TMCC1: variants seen among roughly 807,000 people sequenced by gnomAD.
TMCC1 encodes the protein transmembrane and coiled-coil domain family 1.
Under a neutral mutation model 52.4 loss-of-function variants are expected in TMCC1, and 15 were observed. That is an observed-to-expected ratio of 0.29 (90% CI 0.19 to 0.44). The LOEUF (loss-of-function observed/expected upper bound fraction) is 0.44, where lower values mean the gene tolerates loss of function less well. TMCC1 is among the 20% of genes least tolerant of loss of function. The pLI is 1.00. For missense variants in TMCC1, 503 were observed against 806.0 expected, an observed-to-expected ratio of 0.62 and a Z score of 4.55; for synonymous variants, 279 against 301.9, an observed-to-expected ratio of 0.92 and a Z score of 0.79.
At chr3:129,662,003 C>T (rs2087070362) in intron 5 of TMCC1, among the ~76,000 whole-genome samples, 1 of 152,074 alleles carries the variant, frequency 6.6e-6, no homozygotes, top group Non-Finnish European at 1.5e-5. Context: ...TCTATCTTCT[C>T]ATTAAATATT....
intron 4 of TMCC1, among the ~76,000 whole-genome samples, chr3:129,818,725 A>G (rs1453022314): frequency 6.6e-6 from 1 of 152,182 alleles, no homozygotes; most frequent in Admixed American, 6.5e-5. Flanking sequence ...AAAAACAAAG[A>G]TATCTGAAGG....
intron 4 of TMCC1, among the ~76,000 whole-genome samples, chr3:129,777,062 A>C (rs1341613407): frequency 1.3e-5 from 2 of 152,170 alleles, no homozygotes; most frequent in Non-Finnish European, 2.9e-5. Context: ...TGGGCTATCA[A>C]ATTAATCAAT....
intron 4 of TMCC1, among the ~76,000 whole-genome samples, chr3:129,757,589 G>C (rs1320922499): frequency 2.6e-5 from 4 of 152,174 alleles, no homozygotes; most frequent in Non-Finnish European, 5.9e-5. Context: ...GGGAGGCCAA[G>C]GTGGGGGGAT....
At chr3:129,805,433 G>A (rs2107782215) in intron 4 of TMCC1, among the ~76,000 whole-genome samples, 1 of 152,254 alleles carries the variant, frequency 6.6e-6, no homozygotes, top group Middle Eastern at 3.4e-3. Context: ...AAAGTGCCGG[G>A]ATTACAGGTG....
At chr3:129,735,641 C>G (rs538316699) in intron 4 of TMCC1, among the ~76,000 whole-genome samples, 1 of 77,500 alleles carries the variant, frequency 1.3e-5, no homozygotes, top group Non-Finnish European at 2.5e-5. Context: ...AGAGCCAAGA[C>G]TCTCTTAAAA....
At chr3:129,761,139 C>G (rs2053548923) in intron 4 of TMCC1, among the ~76,000 whole-genome samples, 1 of 151,584 alleles carries the variant, frequency 6.6e-6, no homozygotes, top group African/African-American at 2.4e-5. Context: ...TCCTGGCTAA[C>G]ACGGTGAAAC....
intron 5 of TMCC1, among the ~76,000 whole-genome samples, chr3:129,662,881 G>A (rs1238067343): frequency 1.3e-5 from 2 of 152,124 alleles, no homozygotes; most frequent in Admixed American, 6.5e-5. Context: ...AATATGGCAT[G>A]AGCTTAACTA....
chr3:129,723,620 A>C (rs1290790178), intron 4 of TMCC1, among the ~76,000 whole-genome samples: 1 of 152,164 alleles, frequency 6.6e-6, no homozygotes, highest in Non-Finnish European at 1.5e-5. Context: ...CCCATTACAC[A>C]CAAGAGACGG....
At chr3:129,769,140 T>C (rs759310378) in intron 4 of TMCC1, among the ~76,000 whole-genome samples, 72 of 152,270 alleles carry the variant, frequency 4.7e-4, no homozygotes, top group Non-Finnish European at 9.7e-4. Flanking sequence ...TAAAGCAAGC[T>C]TGTCCAACCC....
At chr3:129,721,393 G>A (rs890186476) in intron 4 of TMCC1, among the ~76,000 whole-genome samples, 2 of 151,966 alleles carry the variant, frequency 1.3e-5, no homozygotes, top group Non-Finnish European at 1.5e-5. Flanking sequence ...CCAGGCTGGA[G>A]CGCAGTGGTA....
chr3:129,885,498 T>C (rs1395984921), intron 1 of TMCC1, among the ~76,000 whole-genome samples: 3 of 151,626 alleles, frequency 2.0e-5, no homozygotes, highest in Non-Finnish European at 2.9e-5. Flanking sequence ...GGCAGGAGAA[T>C]TGCTTGAACC....
rs150803425 is a variant in TMCC1, at chr3:129,750,007, G to T, written c.576+77796C>A. ...CAGAACACATGTACTGCATTATAATGAAATTATATGCATATGATGCATTAT... is the reference window on the plus strand; with the variant it reads ...CAGAACACATGTACTGCATTATAATTAAATTATATGCATATGATGCATTAT... On this transcript the variant is annotated intron_variant, in intron 4 of 6. Coordinates refer to ENST00000393238, the MANE Select transcript of TMCC1 (RefSeq NM_001017395.5). Among the ~76,000 whole-genome samples the T allele has an allele frequency of 5.0e-3, 764 of 152,180 alleles. 3 individuals are homozygous for T. Among genetic ancestry groups the T allele is most frequent in the African/African-American group, 0.018 (742 of 41,506 alleles).
rs1412047331 is a variant in TMCC1, at chr3:129,651,800, G to A, written c.1648-5C>T. 1 of 1,611,270 alleles carries A rather than the reference G, an allele frequency of 6.2e-7. No individual in the cohort carries two copies. Among genetic ancestry groups the A allele is most frequent in the Non-Finnish European group, 8.5e-7 (1 of 1,178,450 alleles). On this transcript the variant is annotated splice_polypyrimidine_tract_variant and splice_region_variant and intron_variant, in intron 6 of 6. Transcript: ENST00000393238. The surrounding 1 kb of genome is among the most constrained non-coding windows in gnomAD (Gnocchi z 5.1). The stretch of plus-strand genomic sequence containing the variant: ...CTGGCATGCCTCCAGGGCCTCCTGT[G>A]GGCCAGAACAGGGAAGAGTTAAGCC...
At chr3:129,792,174 GTA>G (rs142873988) in intron 4 of TMCC1, among the ~76,000 whole-genome samples, 16 of 146,750 alleles carry the variant, frequency 1.1e-4, no homozygotes, top group Admixed American at 2.1e-4. Context: ...CTGTTCAACT[GTA>G]TATATATATA....
At chr3:129,715,486 G>C (rs542566419) in intron 4 of TMCC1, among the ~76,000 whole-genome samples, 1 of 152,280 alleles carries the variant, frequency 6.6e-6, no homozygotes, top group African/African-American at 2.4e-5. Context: ...CTTGAACCTG[G>C]GAGGCAGAAG....
intron 4 of TMCC1, among the ~76,000 whole-genome samples, chr3:129,734,248 T>G (rs1264190028): frequency 6.6e-6 from 1 of 152,186 alleles, no homozygotes; most frequent in Non-Finnish European, 1.5e-5. Context: ...AGATCAGAAC[T>G]ATATGTTATC....
intron 2 of TMCC1, among the ~76,000 whole-genome samples, chr3:129,837,464 T>C (rs758907976): frequency 7.9e-5 from 12 of 152,132 alleles, no homozygotes; most frequent in Non-Finnish European, 1.0e-4. Flanking sequence ...CCAGTAACCA[T>C]TGCAATAATA....
chr3:129,741,842 C>T (rs573358561), intron 4 of TMCC1, among the ~76,000 whole-genome samples: 1 of 152,178 alleles, frequency 6.6e-6, no homozygotes, highest in Admixed American at 6.5e-5. Flanking sequence ...TCTCTAATTC[C>T]GTATTTTAAC....
At chr3:129,752,240 C>G (rs2052590816) in intron 4 of TMCC1, among the ~76,000 whole-genome samples, 1 of 152,168 alleles carries the variant, frequency 6.6e-6, no homozygotes, top group Non-Finnish European at 1.5e-5. Flanking sequence ...GTGACCTTAT[C>G]TCTTCCCTTT....
Sources: gnomAD v4.1 joint callset for allele counts (sites outside exome capture counted in the v4.1 genomes callset) on GRCh38, gnomAD v4.1.1 for gene constraint, Gnocchi (gnomAD v3.1) non-coding constraint, MANE v1.5 for transcripts, NCBI Gene and HGNC (gene_info 2026-07-23, HGNC 2026-07-21) for gene names.